Variants in EFCAB6 observed in about 807,000 individuals in gnomAD.
EFCAB6 encodes EF-hand calcium-binding domain-containing protein 6.
Under a neutral mutation model 169.8 loss-of-function variants are expected in EFCAB6, and 156 were observed. The observed-to-expected ratio is 0.92, with a 90% CI of 0.81 to 1.05. EFCAB6 has a LOEUF of 1.05. EFCAB6 is among the 50% of genes least tolerant of loss of function. The probability of loss-of-function intolerance (pLI) is 0.00; values close to 1 mark genes in which losing one functional copy is unlikely to be tolerated. For missense variants in EFCAB6, 1,800 were observed against 1,829.1 expected (o/e 0.98, Z 0.29); for synonymous variants, 698 against 676.4 (o/e 1.03, Z -0.50).
intron 25 of EFCAB6, among the ~76,000 whole-genome samples, chr22:43,579,598 C>CCCTACACGCAGGCATCATTA (rs2050565452): frequency 6.6e-6 from 1 of 150,846 alleles, no homozygotes; most frequent in Non-Finnish European, 1.5e-5. Context: ...AGGCATCATT[C>CCCTACACGCAGGCATCATTA]CCTGCATGCA....
At chr22:43,605,802 G>C (rs1330254225) in intron 22 of EFCAB6, among the ~76,000 whole-genome samples, 1 of 152,144 alleles carries the variant, frequency 6.6e-6, no homozygotes, top group African/African-American at 2.4e-5. Context: ...CAGTAAAAAA[G>C]TGGAGAACAA....
At position 43,615,848 on chromosome 22, in the gene EFCAB6, T is replaced by C. The variant is rs540511013; in HGVS notation, c.2540A>G (p.Asn847Ser). Residue 847 changes from asparagine (N) to serine (S), a missense_variant, in exon 21 of 32, where the codon AAC becomes AGC. Coordinates refer to ENST00000262726, the MANE Select transcript of EFCAB6 (RefSeq NM_022785.4). Reference sequence around the variant, plus strand: ...TACCTTAGACAAGTCTGACCATCTGTTTTTTGCTTTGGTAACAAGATACTG... The same window carrying C: ...TACCTTAGACAAGTCTGACCATCTGCTTTTTGCTTTGGTAACAAGATACTG... ...AHQYLVTKAK[N>S]RWSDLSKNFL... 4.3e-6 allele frequency: 7 copies of C among 1,613,462 alleles called. No homozygotes were observed. The African/African-American group carries it at 9.3e-5, about 22-fold the overall frequency.
chr22:43,794,840 G>A (rs1361344015), intron 2 of EFCAB6, among the ~76,000 whole-genome samples: 1 of 152,094 alleles, frequency 6.6e-6, no homozygotes, highest in Admixed American at 6.6e-5. Context: ...CTAAACATAG[G>A]AATTATAAGA....
At chr22:43,617,370 G>C (rs1446657213) in intron 20 of EFCAB6, among the ~76,000 whole-genome samples, 1 of 152,234 alleles carries the variant, frequency 6.6e-6, no homozygotes, top group African/African-American at 2.4e-5. Context: ...TCTCAGCAAA[G>C]TCAGTAGATC....
chr22:43,580,350 C>T, intron 25 of EFCAB6, 114 bp downstream of exon 25: 1 of 1,149,972 alleles, frequency 8.7e-7, no homozygotes, highest in Non-Finnish European at 1.2e-6. Flanking sequence ...TCATGGTTAA[C>T]TAGACACCCC....
chr22:43,596,759 TCATATGGAAC>T (rs2052044179), intron 23 of EFCAB6, among the ~76,000 whole-genome samples: 1 of 152,016 alleles, frequency 6.6e-6, no homozygotes, highest in Non-Finnish European at 1.5e-5. Context: ...ATCCTAAAAC[TCATATGGAAC>T]CACAAAAGAC....
At chr22:43,601,151 G>A (rs2052494286) in intron 22 of EFCAB6, among the ~76,000 whole-genome samples, 1 of 152,126 alleles carries the variant, frequency 6.6e-6, no homozygotes, top group Non-Finnish European at 1.5e-5. Flanking sequence ...AATGAGAGAG[G>A]CCAGTGAGGA....
intron 19 of EFCAB6, among the ~76,000 whole-genome samples, chr22:43,629,444 C>T (rs993779471): frequency 6.6e-6 from 1 of 152,168 alleles, no homozygotes; most frequent in Admixed American, 6.5e-5. Flanking sequence ...ACACACAAGG[C>T]CCTGTGTGTG....
intron 2 of EFCAB6, among the ~76,000 whole-genome samples, chr22:43,805,567 G>A (rs1433516111): frequency 6.6e-6 from 1 of 152,076 alleles, no homozygotes. Flanking sequence ...GGGAGGAGAG[G>A]ATGAAGAGAG....
Position 43,744,087 on chromosome 22 carries a change from G to GA in EFCAB6, c.508-8095dup, listed in dbSNP as rs149615655. On this transcript the variant is annotated intron_variant, in intron 6 of 31. Coordinates refer to ENST00000262726, the MANE Select transcript of EFCAB6 (RefSeq NM_022785.4). The surrounding 1 kb of genome is among the most constrained non-coding windows in gnomAD (Gnocchi z 4.3). ...TGGATGAACGGATGAATGGATGAAT[G>GA]ATGAATGAATGAATGAATGAATGAA... Among the ~76,000 whole-genome samples the GA allele has an allele frequency of 3.9e-3, 585 of 148,576 alleles. 2 individuals carry two copies. The highest frequency in any genetic ancestry group is 0.027 in the Middle Eastern group (8 of 294).
chr22:43,550,756 T>C (rs986137971), intron 27 of EFCAB6, among the ~76,000 whole-genome samples: 1 of 152,066 alleles, frequency 6.6e-6, no homozygotes, highest in African/African-American at 2.4e-5. Context: ...AAGCAATCAC[T>C]GTGGGCTGAT....
At chr22:43,608,686 A>ACAGATGCCTTAGAGTTTCCC in intron 21 of EFCAB6, 86 bp from the exon 22 acceptor site, 1 of 1,267,134 alleles carries the variant, frequency 7.9e-7, no homozygotes, top group Non-Finnish European at 1.1e-6. Context: ...ATATGTGGGA[A>ACAGATGCCTTAGAGTTTCCC]ACTCTAAGGC....
chr22:43,567,720 G>A (rs2049538916), intron 26 of EFCAB6, among the ~76,000 whole-genome samples: 1 of 152,136 alleles, frequency 6.6e-6, no homozygotes, highest in Non-Finnish European at 1.5e-5. Context: ...GTACCCCAGA[G>A]TACCAGTGGC....
In EFCAB6 at chr22:43,530,859, C is replaced by G. The variant is rs761597238; in HGVS notation, c.4339G>C (p.Asp1447His). The part of the protein sequence containing the change: ...RPMRRTFKSY[D>H]EAGTGLLSVA... The stretch of plus-strand genomic sequence containing the variant: ...CTTAGCAGCCCTGTTCCAGCCTCAT[C>G]ATAGCTTTTGAACGTGCGCCGCATT... Residue 1447 changes from aspartate to histidine, a missense_variant, in exon 31 of 32, where the codon GAT becomes CAT. Transcript: ENST00000262726. 1 of 1,614,186 alleles carries G rather than the reference C, an allele frequency of 6.2e-7. No homozygotes were observed.
intron 22 of EFCAB6, among the ~76,000 whole-genome samples, chr22:43,602,033 C>A (rs1051336429): frequency 2.0e-5 from 3 of 152,242 alleles, no homozygotes; most frequent in Non-Finnish European, 4.4e-5. Context: ...AGGCAGGGTG[C>A]AGATAGAGGG....
intron 6 of EFCAB6, among the ~76,000 whole-genome samples, chr22:43,746,768 T>A (rs1471110813): frequency 1.3e-5 from 2 of 149,506 alleles, no homozygotes; most frequent in African/African-American, 5.1e-5. Flanking sequence ...AAATTAAAAT[T>A]TTAAAAAGGG....
chr22:43,635,081 G>T, intron 18 of EFCAB6, 21 bp downstream of exon 18: 2 of 1,601,408 alleles, frequency 1.2e-6, no homozygotes, highest in Non-Finnish European at 1.7e-6. Context: ...CCCACAGGGT[G>T]TGGACTTGGC....
chr22:43,716,699 T>G, intron 9 of EFCAB6, 149 bp downstream of exon 9: 1 of 823,576 alleles, frequency 1.2e-6, no homozygotes, highest in Non-Finnish European at 1.7e-6. Context: ...TTGCTGTTAT[T>G]GGGAGGTAGA....
chr22:43,740,760 G>A (rs532950450), intron 6 of EFCAB6, among the ~76,000 whole-genome samples: 8 of 152,262 alleles, frequency 5.3e-5, no homozygotes, highest in South Asian at 2.1e-4. Context: ...CCACTCCACC[G>A]CTCTGCCTGA....
Sources: allele counts gnomAD v4.1 joint callset (sites outside exome capture counted in the v4.1 genomes callset), GRCh38; gene constraint gnomAD v4.1.1; non-coding constraint Gnocchi (gnomAD v3.1); transcripts MANE v1.5; gene names NCBI Gene and HGNC (gene_info 2026-07-23, HGNC 2026-07-21).